PRELID2: variants seen among roughly 807,000 people sequenced by gnomAD.
PRELID2 encodes PRELI domain containing 2, also known as PRELI domain-containing protein 2.
Under a neutral mutation model 28.4 loss-of-function variants are expected in PRELID2, and 25 were observed. The ratio of observed to expected loss-of-function variants is 0.88; its 90% CI spans 0.64 to 1.23. The LOEUF is 1.23. PRELID2 is among the 50% of genes most tolerant of loss of function. The pLI is 0.00. For missense variants in PRELID2, 201 were observed against 214.4 expected, an observed-to-expected ratio of 0.94 and a Z score of 0.39; for synonymous variants, 76 against 71.6, an observed-to-expected ratio of 1.06 and a Z score of -0.31.
chr5:145,502,276 A>C (rs537300579), intron 1 of PRELID2, among the ~76,000 whole-genome samples: 6 of 152,118 alleles, frequency 3.9e-5, no homozygotes, highest in Non-Finnish European at 7.4e-5. Flanking sequence ...TTGAACAACC[A>C]GATCTCATGA....
the PRELID2 span, among the ~76,000 whole-genome samples, chr5:145,312,038 T>A: frequency 6.6e-5 from 10 of 152,294 alleles, no homozygotes; most frequent in East Asian, 1.9e-3. Flanking sequence ...TTTTTTATGA[T>A]GAGAACATTT....
rs143986663 is a variant in PRELID2, at chr5:145,620,868, T to C, written n.70+144063A>G. Among the ~76,000 whole-genome samples the C allele has an allele frequency of 3.4e-4, 51 of 151,702 alleles. 1 individual carries two copies. Among genetic ancestry groups the C allele is most frequent in the African/African-American group, 1.2e-3 (49 of 41,340 alleles). On this transcript the variant is annotated intron_variant and non_coding_transcript_variant, in intron 1 of 2. Coordinates refer to the PRELID2 transcript ENST00000510259. ...AAAATTAAAGATAGCCAGGGAAAAATAAATAACTTACAAAAGAATAACATT... is the reference window on the plus strand; with the variant it reads ...AAAATTAAAGATAGCCAGGGAAAAACAAATAACTTACAAAAGAATAACATT...
intron 5 of PRELID2, among the ~76,000 whole-genome samples, chr5:145,786,503 C>T (rs1012078844): frequency 1.3e-5 from 2 of 152,168 alleles, no homozygotes; most frequent in Middle Eastern, 3.2e-3. Flanking sequence ...CTACCAGCAA[C>T]CATGTGAGTT....
At chr5:145,431,277 G>A in the PRELID2 span, among the ~76,000 whole-genome samples, 2 of 151,946 alleles carry the variant, frequency 1.3e-5, no homozygotes, top group South Asian at 4.1e-4. Context: ...CTAGAAACAT[G>A]TTTCAGCATA....
chr5:145,682,904 T>C (rs528468623), intron 1 of PRELID2, among the ~76,000 whole-genome samples: 1 of 152,258 alleles, frequency 6.6e-6, no homozygotes, highest in Admixed American at 6.5e-5. Flanking sequence ...ACTAACATCA[T>C]CTTCATGATT....
intron 1 of PRELID2, among the ~76,000 whole-genome samples, chr5:145,608,498 C>T (rs1000049676): frequency 3.3e-5 from 5 of 152,100 alleles, no homozygotes; most frequent in African/African-American, 9.7e-5. Flanking sequence ...CCATCACTTA[C>T]GAAGTTTAGT....
At chr5:145,234,569 G>A in the PRELID2 span, among the ~76,000 whole-genome samples, 9 of 152,004 alleles carry the variant, frequency 5.9e-5, no homozygotes, top group South Asian at 2.1e-4. Context: ...CCTAAAAAGC[G>A]TTCCAACTCC....
intron 1 of PRELID2, among the ~76,000 whole-genome samples, chr5:145,655,674 T>C (rs1754380640): frequency 6.6e-6 from 1 of 152,152 alleles, no homozygotes; most frequent in Non-Finnish European, 1.5e-5. Flanking sequence ...TAATAAATGG[T>C]GCTGGGAAAA....
chr5:145,611,172 A>AT (rs1017277061), intron 1 of PRELID2, among the ~76,000 whole-genome samples: 33 of 149,166 alleles, frequency 2.2e-4, no homozygotes, highest in African/African-American at 4.9e-4. Context: ...AGCAAGGTCA[A>AT]TTTTTTTTTT....
At chr5:145,396,617 C>T in the PRELID2 span, among the ~76,000 whole-genome samples, 3 of 151,934 alleles carry the variant, frequency 2.0e-5, no homozygotes, top group Non-Finnish European at 4.4e-5. Context: ...AAATATGAGA[C>T]TTCCATTACT....
At chr5:145,589,420 A>T (rs1369374208) in intron 1 of PRELID2, among the ~76,000 whole-genome samples, 1 of 152,158 alleles carries the variant, frequency 6.6e-6, no homozygotes, top group Non-Finnish European at 1.5e-5. Flanking sequence ...CATGAAAACT[A>T]TCTGAACATG....
intron 1 of PRELID2, among the ~76,000 whole-genome samples, chr5:145,556,193 A>AAG (rs1554076159): frequency 1.3e-5 from 2 of 150,246 alleles, no homozygotes; most frequent in African/African-American, 2.5e-5. Context: ...AAAAAAAAAA[A>AAG]AAAAGAAAAG....
chr5:145,288,367 A>G, the PRELID2 span, among the ~76,000 whole-genome samples: 1 of 152,076 alleles, frequency 6.6e-6, no homozygotes, highest in Non-Finnish European at 1.5e-5. Context: ...ACATTATTCC[A>G]GCTTTGATCT....
Position 145,642,244 on chromosome 5 carries a change from T to C in PRELID2, n.70+122687A>G, listed in dbSNP as rs567500631. 2.0e-5 allele frequency among the ~76,000 whole-genome samples: 3 copies of C among 152,360 alleles called. No homozygotes were observed. The East Asian group carries it at 5.8e-4, about 29-fold the overall frequency. On this transcript the variant is annotated intron_variant and non_coding_transcript_variant, in intron 1 of 2. Coordinates refer to the PRELID2 transcript ENST00000510259. ...AGATGGTATCTCATTGTGGTTTTGATTTGCGTTTCTCTAATGACCAGTGAT... is the reference window on the plus strand; with the variant it reads ...AGATGGTATCTCATTGTGGTTTTGACTTGCGTTTCTCTAATGACCAGTGAT...
Position 145,553,819 on chromosome 5 carries a change from C to T in PRELID2, n.71-80504G>A, listed in dbSNP as rs889532446. ...ACAGGGTGACTCTTGAAATTGGATG[C>T]GGAGAAATTGAAAGCAGGGAAACTG... On this transcript the variant is annotated intron_variant and non_coding_transcript_variant, in intron 1 of 2. Transcript: ENST00000510259. 3.9e-5 allele frequency among the ~76,000 whole-genome samples: 6 copies of T among 152,088 alleles called. No individual in the cohort carries two copies. In the South Asian group the frequency reaches 8.3e-4, roughly 21 times the overall value.
chr5:145,237,872 T>C, the PRELID2 span, among the ~76,000 whole-genome samples: 5 of 152,140 alleles, frequency 3.3e-5, no homozygotes, highest in African/African-American at 1.2e-4. Context: ...TGGTCAGTGT[T>C]ACTGATCCTC....
the PRELID2 span, among the ~76,000 whole-genome samples, chr5:145,261,705 C>T: frequency 6.6e-6 from 1 of 152,136 alleles, no homozygotes; most frequent in Admixed American, 6.5e-5. Flanking sequence ...CCCTTGAGCC[C>T]CTGATCTTCC....
At chr5:145,546,528 G>A (rs1305148233) in intron 1 of PRELID2, among the ~76,000 whole-genome samples, 1 of 152,110 alleles carries the variant, frequency 6.6e-6, no homozygotes, top group Non-Finnish European at 1.5e-5. Flanking sequence ...ATCACAGTGG[G>A]GAGTAAATGA....
chr5:145,606,509 G>T (rs947839891), intron 1 of PRELID2, among the ~76,000 whole-genome samples: 4 of 152,060 alleles, frequency 2.6e-5, no homozygotes, highest in Non-Finnish European at 5.9e-5. Flanking sequence ...AGGCTTTTCT[G>T]CCTCTATTGA....
Sources: allele counts gnomAD v4.1 joint callset (sites outside exome capture counted in the v4.1 genomes callset), GRCh38; gene constraint gnomAD v4.1.1; transcripts MANE v1.5; gene names NCBI Gene and HGNC (gene_info 2026-07-23, HGNC 2026-07-21).